The following EVI5 variants were observed in gnomAD, a reference collection of about 807,000 sequenced individuals.
EVI5 encodes ecotropic viral integration site 5 protein homolog.
EVI5 carries 73 observed loss-of-function variants against 112.0 expected under a neutral mutation model. That is an observed-to-expected ratio of 0.65 (90% CI 0.54 to 0.79). The LOEUF (loss-of-function observed/expected upper bound fraction) is 0.79, where lower values mean the gene tolerates loss of function less well. EVI5 is among the 30% of genes least tolerant of loss of function. The pLI, the probability that EVI5 is intolerant of heterozygous loss-of-function variation, is 0.00. For missense variants in EVI5, 900 were observed against 968.8 expected (o/e 0.93, Z 0.94); for synonymous variants, 305 against 319.9 (o/e 0.95, Z 0.50).
rs183665198 is a variant in EVI5, at chr1:92,660,190, T to C, written c.1392+2529A>G. ...ACTCCACTACTATGAAATATATCCA[T>C]GTAACAAAATGCACTTGGATCCCCT... On this transcript the variant is annotated intron_variant, in intron 13 of 19. Transcript: ENST00000684568. Among the ~76,000 whole-genome samples the C allele has an allele frequency of 2.2e-3, 340 of 152,148 alleles. 1 individual carries two copies. The highest frequency in any genetic ancestry group is 8.0e-3 in the African/African-American group (331 of 41,558).
chr1:92,764,247 C>T (rs1015759137), intron 1 of EVI5, among the ~76,000 whole-genome samples: 2 of 152,160 alleles, frequency 1.3e-5, no homozygotes. Flanking sequence ...AGTTACCACA[C>T]ATACCTACAC....
intron 13 of EVI5, among the ~76,000 whole-genome samples, chr1:92,659,822 T>C (rs922259990): frequency 6.6e-6 from 1 of 152,048 alleles, no homozygotes; most frequent in African/African-American, 2.4e-5. Flanking sequence ...AGCAAAGATA[T>C]GGAATCAACC....
At chr1:92,652,688 C>T (rs1662335648) in intron 13 of EVI5, among the ~76,000 whole-genome samples, 1 of 151,974 alleles carries the variant, frequency 6.6e-6, no homozygotes, top group Non-Finnish European at 1.5e-5. Flanking sequence ...TGTGTATGCA[C>T]AATCAAATAC....
intron 2 of EVI5, among the ~76,000 whole-genome samples, chr1:92,735,842 T>C (rs1164724668): frequency 6.9e-6 from 1 of 144,550 alleles, no homozygotes; most frequent in Non-Finnish European, 1.5e-5. Context: ...TCTATTATAA[T>C]ATATATTATA....
intron 3 of EVI5, chr1:92,703,867 G>T: frequency 3.4e-6 from 1 of 293,048 alleles, no homozygotes; most frequent in Non-Finnish European, 5.8e-6. Flanking sequence ...TTAAGGTAAT[G>T]GACTTGAAAC....
rs3042578 is a variant in EVI5, at chr1:92,747,716, C to CAAAAAAA, written c.-81-11096_-81-11090dup. ...GTGACAGAGCCAGACTCCATCTCAC[C>CAAAAAAA]AAAAAAAAAAACAAAAAAAAAAACC... On this transcript the variant is annotated intron_variant, in intron 1 of 19. Transcript: ENST00000684568. 1.6e-4 allele frequency among the ~76,000 whole-genome samples: 13 copies of CAAAAAAA among 83,544 alleles called. 5 individuals carry two copies. Among genetic ancestry groups the CAAAAAAA allele is most frequent in the Non-Finnish European group, 8.8e-5 (4 of 45,704 alleles). 54.8% of individuals were successfully genotyped at this position (83,544 alleles called of 152,430 possible).
intron 2 of EVI5, among the ~76,000 whole-genome samples, chr1:92,734,167 C>A (rs1308611624): frequency 6.6e-6 from 1 of 152,100 alleles, no homozygotes; most frequent in Non-Finnish European, 1.5e-5. Flanking sequence ...CTAATTTTTG[C>A]ATGAAGAATG....
At position 92,707,868 on chromosome 1, in the gene EVI5, A is replaced by G. The variant is rs149568671; in HGVS notation, c.150-3124T>C. ...AGAAACAATCCAAATGTTCAGAAAA[A>G]TAAGTGATCAAATTGTGGTACATTC... On this transcript the variant is annotated intron_variant, in intron 2 of 19. Coordinates refer to ENST00000684568, the MANE Select transcript of EVI5 (RefSeq NM_001350197.2). 5.3e-4 allele frequency among the ~76,000 whole-genome samples: 81 copies of G among 152,324 alleles called. 1 individual carries two copies. The East Asian group carries it at 0.013, about 25-fold the overall frequency.
At chr1:92,657,480 T>C (rs1252473769) in intron 13 of EVI5, among the ~76,000 whole-genome samples, 2 of 152,014 alleles carry the variant, frequency 1.3e-5, no homozygotes, top group East Asian at 3.9e-4. Flanking sequence ...CTGGGTAACA[T>C]GGCGAAAACC....
intron 10 of EVI5, among the ~76,000 whole-genome samples, chr1:92,668,408 T>C (rs1019538850): frequency 1.3e-5 from 2 of 152,146 alleles, no homozygotes; most frequent in African/African-American, 4.8e-5. Context: ...GCCAAAGAAA[T>C]AAATGGGATT....
intron 13 of EVI5, among the ~76,000 whole-genome samples, chr1:92,637,906 T>C (rs1262789188): frequency 6.6e-6 from 1 of 152,204 alleles, no homozygotes; most frequent in Non-Finnish European, 1.5e-5. Context: ...TTTGATACTA[T>C]TGAAACAATA....
chr1:92,600,345 CT>C (rs1648858701), intron 18 of EVI5, among the ~76,000 whole-genome samples: 1 of 152,140 alleles, frequency 6.6e-6, no homozygotes, highest in Non-Finnish European at 1.5e-5. Context: ...GCAATTTTGT[CT>C]GTCTTAACCT....
In EVI5 at chr1:92,664,973, G is replaced by A. The variant is rs574032178; in HGVS notation, c.1212+966C>T. ...TGTAATCCCAGCACTTTCGGAGGCC[G>A]AGGCAGGCGGATCACGAGGTCAAGA... On this transcript the variant is annotated intron_variant, in intron 11 of 19. Coordinates refer to ENST00000684568, the MANE Select transcript of EVI5 (RefSeq NM_001350197.2). Among the ~76,000 whole-genome samples the A allele has an allele frequency of 4.0e-4, 61 of 152,294 alleles. No individual in the cohort carries two copies. In the South Asian group the frequency reaches 0.01, roughly 25 times the overall value.
At chr1:92,643,982 C>G (rs1455215089) in intron 13 of EVI5, among the ~76,000 whole-genome samples, 1 of 152,032 alleles carries the variant, frequency 6.6e-6, no homozygotes, top group East Asian at 1.9e-4. Context: ...TGAAAGTCAC[C>G]ATTCTGGAAA....
rs915892597 is a variant in EVI5 at position 92,665,713 on chromosome 1, G to C, written c.1212+226C>G. Among the ~76,000 whole-genome samples, 9 of 152,296 alleles carry C rather than the reference G, an allele frequency of 5.9e-5. 1 individual carries two copies. The highest frequency in any genetic ancestry group is 3.9e-4 in the Admixed American group (6 of 15,296). ...AAACAAATAGTATCAATATGTTACT[G>C]TTAATCTCAGTTAAAACCTGAATAC... On this transcript the variant is annotated intron_variant, in intron 11 of 19. Coordinates refer to ENST00000684568, the MANE Select transcript of EVI5 (RefSeq NM_001350197.2).
intron 9 of EVI5, among the ~76,000 whole-genome samples, chr1:92,680,103 T>C (rs1667355895): frequency 6.6e-6 from 1 of 152,250 alleles, no homozygotes; most frequent in Admixed American, 6.5e-5. Flanking sequence ...ATATTTTCTA[T>C]ACACTATTAA....
chr1:92,575,767 T>C lies in EVI5; in HGVS notation c.2071-12030A>G, dbSNP rs192013903. On this transcript the variant is annotated intron_variant, in intron 18 of 19. Transcript: ENST00000684568. ...TTAGCAGAGACAGGGTTTCACCATG[T>C]TGGCCGGGCTGGTCTCAAATTCCTG... Among the ~76,000 whole-genome samples, 327 of 152,132 alleles carry C rather than the reference T, an allele frequency of 2.1e-3. 3 individuals carry two copies. Among genetic ancestry groups the C allele is most frequent in the African/African-American group, 7.5e-3 (311 of 41,522 alleles).
chr1:92,660,206 T>A (rs1663738289), intron 13 of EVI5, among the ~76,000 whole-genome samples: 1 of 151,958 alleles, frequency 6.6e-6, no homozygotes, highest in South Asian at 2.1e-4. Flanking sequence ...AAAATGCACT[T>A]GGATCCCCTA....
chr1:92,687,521 A>G (rs1223943509), intron 9 of EVI5, among the ~76,000 whole-genome samples: 1 of 152,204 alleles, frequency 6.6e-6, no homozygotes, highest in East Asian at 1.9e-4. Context: ...AATGGCAACA[A>G]AAGCCAAAAT....
Sources: allele counts gnomAD v4.1 joint callset (sites outside exome capture counted in the v4.1 genomes callset), GRCh38; gene constraint gnomAD v4.1.1; transcripts MANE v1.5; gene names NCBI Gene and HGNC (gene_info 2026-07-23, HGNC 2026-07-21).